The following CCDC91 variants were observed in gnomAD, a reference collection of about 807,000 sequenced individuals.
CCDC91 encodes coiled-coil domain containing 91.
Under a neutral mutation model 63.2 loss-of-function variants are expected in CCDC91, and 48 were observed. That is an observed-to-expected ratio of 0.76 (90% CI 0.60 to 0.97). CCDC91 has a LOEUF of 0.97. Among genes scored for constraint, CCDC91 ranks in the 50% least tolerant of loss-of-function variants. CCDC91 has a pLI of 0.00. For synonymous variants in CCDC91, 167 were observed against 165.8 expected, an observed-to-expected ratio of 1.01 and a Z score of -0.06; for missense variants, 500 against 494.6, an observed-to-expected ratio of 1.01 and a Z score of -0.10.
intron 6 of CCDC91, among the ~76,000 whole-genome samples, chr12:28,358,892 C>T (rs1232243326): frequency 1.3e-5 from 2 of 152,016 alleles, no homozygotes; most frequent in Non-Finnish European, 2.9e-5. Flanking sequence ...TAATAGCACA[C>T]CAATACTTTT....
At chr12:28,541,361 T>C (rs1004777117) in intron 12 of CCDC91, among the ~76,000 whole-genome samples, 3 of 152,128 alleles carry the variant, frequency 2.0e-5, no homozygotes, top group Non-Finnish European at 4.4e-5. Flanking sequence ...CTCTTGCTTG[T>C]TTCTGTAGAT....
chr12:28,460,380 G>T (rs1289243008), intron 11 of CCDC91, among the ~76,000 whole-genome samples: 1 of 152,032 alleles, frequency 6.6e-6, no homozygotes, highest in African/African-American at 2.4e-5. Flanking sequence ...GTGATCAAAA[G>T]AATTTTAACT....
intron 10 of CCDC91, among the ~76,000 whole-genome samples, chr12:28,452,004 A>G (rs551387784): frequency 6.6e-6 from 1 of 151,316 alleles, no homozygotes; most frequent in African/African-American, 2.4e-5. Flanking sequence ...TTACAGACAC[A>G]TACAGTAGCA....
chr12:28,249,726 T>C (rs1248661604), intron 1 of CCDC91, among the ~76,000 whole-genome samples: 3 of 152,120 alleles, frequency 2.0e-5, no homozygotes, highest in Non-Finnish European at 4.4e-5. Flanking sequence ...TACTTTTTTT[T>C]TTTTTTGAGA....
intron 8 of CCDC91, among the ~76,000 whole-genome samples, chr12:28,392,794 A>C (rs1946031457): frequency 6.6e-6 from 1 of 152,228 alleles, no homozygotes; most frequent in Admixed American, 6.5e-5. Context: ...CTGGGAAAAT[A>C]GGAGGGGAAT....
chr12:28,388,501 C>G (rs182981104), intron 7 of CCDC91, among the ~76,000 whole-genome samples: 67 of 152,294 alleles, frequency 4.4e-4, no homozygotes, highest in African/African-American at 1.6e-3. Flanking sequence ...GAACTCAACC[C>G]CTTTTACAAT....
intron 6 of CCDC91, among the ~76,000 whole-genome samples, chr12:28,343,204 AT>A (rs1473796326): frequency 1.3e-5 from 2 of 150,742 alleles, no homozygotes; most frequent in African/African-American, 2.4e-5. Context: ...TGTAATATAT[AT>A]ATATATATAT....
In CCDC91 at chr12:28,251,369, A is replaced by G. The variant is rs1292549895; in HGVS notation, c.-14-5833A>G. Among the ~76,000 whole-genome samples the G allele has an allele frequency of 3.3e-5, 5 of 152,108 alleles. No homozygotes were observed. The East Asian group carries it at 9.6e-4, about 29-fold the overall frequency. On this transcript the variant is annotated intron_variant, in intron 1 of 12. Coordinates refer to ENST00000536442, the MANE Select transcript of CCDC91 (RefSeq NM_018318.5). ...CTTGTATTTGGTATGAATACTTGTAATATGGGAAGATGTTATAATGGAGAC... is the reference window on the plus strand; with the variant it reads ...CTTGTATTTGGTATGAATACTTGTAGTATGGGAAGATGTTATAATGGAGAC...
intron 12 of CCDC91, among the ~76,000 whole-genome samples, chr12:28,528,329 C>T (rs1941450948): frequency 6.6e-6 from 1 of 152,160 alleles, no homozygotes; most frequent in South Asian, 2.1e-4. Flanking sequence ...CTCTGTATTT[C>T]CCTTGGCTCT....
At chr12:28,404,984 A>T (rs539200039) in intron 8 of CCDC91, among the ~76,000 whole-genome samples, 1 of 152,052 alleles carries the variant, frequency 6.6e-6, no homozygotes, top group East Asian at 1.9e-4. Flanking sequence ...TGACATTTAC[A>T]ATAGACCATT....
intron 6 of CCDC91, among the ~76,000 whole-genome samples, chr12:28,347,098 A>G (rs1160828888): frequency 6.6e-6 from 1 of 152,228 alleles, no homozygotes; most frequent in Admixed American, 6.5e-5. Context: ...CATCAAAAGA[A>G]TATACATAAT....
intron 8 of CCDC91, among the ~76,000 whole-genome samples, chr12:28,417,566 TA>T (rs1467811380): frequency 6.6e-6 from 1 of 151,726 alleles, no homozygotes; most frequent in Non-Finnish European, 1.5e-5. Flanking sequence ...TATTGAGGCA[TA>T]AATGTATATA....
rs376645678 is a variant in CCDC91 at position 28,434,594 on chromosome 12, G to GTTTTTTT, written c.763-15548_763-15542dup. ...TTATTAGGCCTTAGGCCTTGGTCTGGTTTTTTTTTTTTTTTTTTTTTTTTT... is the reference window on the plus strand; with the variant it reads ...TTATTAGGCCTTAGGCCTTGGTCTGGTTTTTTTTTTTTTTTTTTTTTTTTTTTTTTTT... On this transcript the variant is annotated intron_variant, in intron 8 of 12. Coordinates refer to ENST00000536442, the MANE Select transcript of CCDC91 (RefSeq NM_018318.5). Among the ~76,000 whole-genome samples, 231 of 73,484 alleles carry GTTTTTTT rather than the reference G, an allele frequency of 3.1e-3. 1 individual carries two copies. The highest frequency in any genetic ancestry group is 4.6e-3 in the African/African-American group (79 of 17,064). 48.2% of individuals were successfully genotyped at this position (73,484 alleles called of 152,430 possible).
At chr12:28,458,955 T>A (rs1368506832) in intron 11 of CCDC91, among the ~76,000 whole-genome samples, 1 of 152,090 alleles carries the variant, frequency 6.6e-6, no homozygotes, top group Non-Finnish European at 1.5e-5. Flanking sequence ...GCCTATAAGA[T>A]AAAAGATAAG....
chr12:28,263,624 A>G (rs1454428857), intron 3 of CCDC91, among the ~76,000 whole-genome samples: 1 of 151,960 alleles, frequency 6.6e-6, no homozygotes, highest in East Asian at 1.9e-4. Flanking sequence ...TCTACCTTTG[A>G]CTATTGCAAA....
At chr12:28,267,887 T>A (rs1221478237) in intron 3 of CCDC91, among the ~76,000 whole-genome samples, 6 of 45,436 alleles carry the variant, frequency 1.3e-4, no homozygotes, top group African/African-American at 3.2e-4. Flanking sequence ...ATATAATTAT[T>A]ATAATTATAT....
intron 2 of CCDC91, 34 bp downstream of exon 2, chr12:28,257,279 C>G (rs1565682131): frequency 9.5e-6 from 14 of 1,474,042 alleles, no homozygotes; most frequent in Middle Eastern, 1.7e-4. Context: ...TTTGTTTTAA[C>G]TTTGTGGGAT....
chr12:28,213,374 C>T (rs1247214353), intron 1 of CCDC91, among the ~76,000 whole-genome samples: 1 of 152,160 alleles, frequency 6.6e-6, no homozygotes, highest in South Asian at 2.1e-4. Flanking sequence ...GAAATAAATG[C>T]TTAAGTTTTC....
At chr12:28,269,436 A>T (rs1295230013) in intron 3 of CCDC91, among the ~76,000 whole-genome samples, 1 of 152,046 alleles carries the variant, frequency 6.6e-6, no homozygotes, top group Non-Finnish European at 1.5e-5. Flanking sequence ...GGATGTTTTC[A>T]GTTCTCTCTA....
Sources: gnomAD v4.1 joint callset for allele counts (sites outside exome capture counted in the v4.1 genomes callset) on GRCh38, gnomAD v4.1.1 for gene constraint, MANE v1.5 for transcripts, NCBI Gene and HGNC (gene_info 2026-07-23, HGNC 2026-07-21) for gene names.